Variants in WDFY2 observed in about 807,000 individuals in gnomAD.
WDFY2 encodes WD repeat and FYVE domain-containing protein 2.
WDFY2 carries 36 observed loss-of-function variants against 56.4 expected under a neutral mutation model. That is an observed-to-expected ratio of 0.64 (90% CI 0.49 to 0.84). The LOEUF (loss-of-function observed/expected upper bound fraction) is 0.84. Ranked by LOEUF, WDFY2 falls within the 40% of genes least tolerant of loss-of-function variation. The pLI is 0.00. For missense variants in WDFY2, 444 were observed against 512.2 expected, an observed-to-expected ratio of 0.87 and a Z score of 1.29; for synonymous variants, 176 against 183.7, an observed-to-expected ratio of 0.96 and a Z score of 0.34.
intron 1 of WDFY2, among the ~76,000 whole-genome samples, chr13:51,599,914 AAAAAAACC>A (rs1216176806): frequency 1.3e-5 from 2 of 151,844 alleles, no homozygotes; most frequent in African/African-American, 4.8e-5. Context: ...AAAACAAAAC[AAAAAAACC>A]AAAAAACCAA....
chr13:51,747,290 T>C (rs1341381952), intron 7 of WDFY2, among the ~76,000 whole-genome samples: 1 of 152,236 alleles, frequency 6.6e-6, no homozygotes, highest in African/African-American at 2.4e-5. Context: ...TATAACTCTT[T>C]CCTAAGAATT....
chr13:51,730,332 AGCATTTT>A, intron 6 of WDFY2, among the ~76,000 whole-genome samples: 1 of 152,306 alleles, frequency 6.6e-6, no homozygotes, highest in African/African-American at 2.4e-5. Context: ...ACTTTTCAGC[AGCATTTT>A]ACATTGTGGC....
In WDFY2 at chr13:51,590,687, T is replaced by C. The variant is rs201516982; in HGVS notation, c.137+5863T>C. On this transcript the variant is annotated intron_variant, in intron 1 of 11. Coordinates refer to ENST00000298125, the MANE Select transcript of WDFY2 (RefSeq NM_052950.4). ...AGAATAGAAAGAATTTAAAAAGAGA[T>C]CACACTCCTTTATTTTTATATGAGT... 5.3e-5 allele frequency: 8 copies of C among 152,032 alleles called. No homozygotes were observed. In the East Asian group the frequency reaches 1.5e-3, roughly 29 times the overall value. The allele number at this position is 152,032 out of a possible 1,614,324, so 9.4% of individuals were successfully genotyped here.
intron 8 of WDFY2, chr13:51,753,193 C>T (rs1330016196): frequency 6.6e-6 from 1 of 152,146 alleles, no homozygotes. Context: ...GCTTTGCAGG[C>T]CACGAAACAG....
At chr13:51,693,960 T>A (rs1330436648) in intron 3 of WDFY2, among the ~76,000 whole-genome samples, 1 of 151,806 alleles carries the variant, frequency 6.6e-6, no homozygotes, top group Non-Finnish European at 1.5e-5. Flanking sequence ...TCTCTTTTGA[T>A]CTTTGTTGGT....
At chr13:51,706,719 T>G (rs888906934) in intron 4 of WDFY2, among the ~76,000 whole-genome samples, 8 of 152,242 alleles carry the variant, frequency 5.3e-5, no homozygotes, top group African/African-American at 1.9e-4. Flanking sequence ...CCACGGTTAC[T>G]TGCTAGAAAT....
At chr13:51,727,847 GCATCT>G in intron 6 of WDFY2, 57 bp downstream of exon 6, 1 of 1,500,916 alleles carries the variant, frequency 6.7e-7, no homozygotes, top group Non-Finnish European at 9.2e-7. Flanking sequence ...ATCGCCTGCT[GCATCT>G]CCTGATGTTC....
chr13:51,655,362 T>G (rs1182485189), intron 1 of WDFY2, among the ~76,000 whole-genome samples: 1 of 152,126 alleles, frequency 6.6e-6, no homozygotes, highest in African/African-American at 2.4e-5. Flanking sequence ...ATTAAGGAAA[T>G]TTTCTTCTAT....
intron 4 of WDFY2, among the ~76,000 whole-genome samples, chr13:51,704,793 TAC>T (rs1262703706): frequency 2.0e-5 from 3 of 152,226 alleles, no homozygotes. Flanking sequence ...GTTTTAAAAA[TAC>T]ATTACTTAAA....
intron 1 of WDFY2, among the ~76,000 whole-genome samples, chr13:51,605,485 C>T (rs1228086030): frequency 6.6e-6 from 1 of 152,126 alleles, no homozygotes; most frequent in Non-Finnish European, 1.5e-5. Context: ...TTATTAGAAT[C>T]CATCCTTGAA....
chr13:51,615,423 G>T (rs1954592758), intron 1 of WDFY2, among the ~76,000 whole-genome samples: 1 of 151,708 alleles, frequency 6.6e-6, no homozygotes, highest in Non-Finnish European at 1.5e-5. Context: ...AGATAATAAG[G>T]ATCTAAGGAG....
At chr13:51,723,480 A>G (rs1952535906) in intron 5 of WDFY2, among the ~76,000 whole-genome samples, 1 of 152,022 alleles carries the variant, frequency 6.6e-6, no homozygotes, top group South Asian at 2.1e-4. Flanking sequence ...TTTTAATGCC[A>G]CCGCCTTGTT....
intron 4 of WDFY2, among the ~76,000 whole-genome samples, chr13:51,706,209 T>C (rs1952078822): frequency 1.3e-5 from 2 of 152,234 alleles, no homozygotes; most frequent in Non-Finnish European, 2.9e-5. Flanking sequence ...TGACACTTCG[T>C]GTTGTTTTTG....
intron 4 of WDFY2, among the ~76,000 whole-genome samples, chr13:51,711,820 G>A (rs1469192231): frequency 6.6e-6 from 1 of 152,134 alleles, no homozygotes; most frequent in Non-Finnish European, 1.5e-5. Flanking sequence ...GGAGAAATAG[G>A]AACACTTTTA....
At chr13:51,663,401 A>G (rs535546911) in intron 2 of WDFY2, among the ~76,000 whole-genome samples, 1 of 152,302 alleles carries the variant, frequency 6.6e-6, no homozygotes, top group African/African-American at 2.4e-5. Flanking sequence ...TTTGCAGACA[A>G]ACAAGATGTA....
chr13:51,626,627 AAC>A (rs930347167), intron 1 of WDFY2, among the ~76,000 whole-genome samples: 44 of 152,328 alleles, frequency 2.9e-4, no homozygotes, highest in African/African-American at 1.0e-3. Context: ...AAAAAAATGA[AAC>A]ACATCTAATA....
At chr13:51,759,109 A>T (rs551581691) in intron 11 of WDFY2, among the ~76,000 whole-genome samples, 5 of 152,328 alleles carry the variant, frequency 3.3e-5, no homozygotes, top group South Asian at 4.1e-4. Context: ...TGAGCCCAGT[A>T]AGTCGAGGCT....
chr13:51,643,808 A>G (rs1050458224), intron 1 of WDFY2, among the ~76,000 whole-genome samples: 6 of 150,850 alleles, frequency 4.0e-5, no homozygotes, highest in African/African-American at 1.2e-4. Context: ...TTTTCCCTGT[A>G]TTTATATGAC....
intron 2 of WDFY2, among the ~76,000 whole-genome samples, chr13:51,667,658 T>C (rs1955731792): frequency 6.6e-6 from 1 of 152,218 alleles, no homozygotes; most frequent in African/African-American, 2.4e-5. Flanking sequence ...ACTTGAGATA[T>C]GCTCATTCTG....
Sources: allele counts gnomAD v4.1 joint callset (sites outside exome capture counted in the v4.1 genomes callset), GRCh38; gene constraint gnomAD v4.1.1; transcripts MANE v1.5; gene names NCBI Gene and HGNC (gene_info 2026-07-23, HGNC 2026-07-21).